Variants in CNTNAP5 observed in about 807,000 individuals in gnomAD.
The protein encoded by CNTNAP5 is contactin-associated protein-like 5.
Under a neutral mutation model 150.2 loss-of-function variants are expected in CNTNAP5, and 72 were observed. The ratio of observed to expected loss-of-function variants is 0.48; its 90% CI spans 0.40 to 0.58. CNTNAP5 has a LOEUF of 0.58. Among genes scored for constraint, CNTNAP5 ranks in the 20% least tolerant of loss-of-function variants. CNTNAP5 has a pLI of 0.00. For synonymous variants in CNTNAP5, 672 were observed against 619.8 expected, an observed-to-expected ratio of 1.08 and a Z score of -1.25; for missense variants, 1,636 against 1,626.2, an observed-to-expected ratio of 1.01 and a Z score of -0.10.
chr2:124,152,861 T>C (rs1282087098), intron 1 of CNTNAP5, among the ~76,000 whole-genome samples: 2 of 152,162 alleles, frequency 1.3e-5, no homozygotes, highest in Admixed American at 6.6e-5. Flanking sequence ...TAGTTTCCTA[T>C]TAAAAGAAAG....
In CNTNAP5 at chr2:124,295,113, AAAC is replaced by A. The variant is rs1486892035; in HGVS notation, c.381+52727_381+52729del. On this transcript the variant is annotated intron_variant, in intron 3 of 23. Transcript: ENST00000682447. ...AGAGCAAGACTTCATCTCAAAAACA[AAAC>A]AACAACCACCACCAAACAAACAAAC... Among the ~76,000 whole-genome samples the A allele has an allele frequency of 1.4e-4, 18 of 126,980 alleles. 1 individual carries two copies. In the East Asian group the frequency reaches 3.3e-3, roughly 24 times the overall value. The allele number at this position is 126,980 out of a possible 152,430, so 83.3% of individuals were successfully genotyped here.
At chr2:124,737,972 A>T (rs1369958635) in intron 13 of CNTNAP5, among the ~76,000 whole-genome samples, 1 of 152,112 alleles carries the variant, frequency 6.6e-6, no homozygotes, top group East Asian at 1.9e-4. Flanking sequence ...TTAATTCTGG[A>T]TGTTTTTATT....
chr2:124,810,620 G>A (rs1376224472), intron 19 of CNTNAP5, among the ~76,000 whole-genome samples: 3 of 152,090 alleles, frequency 2.0e-5, no homozygotes, highest in East Asian at 1.9e-4. Flanking sequence ...CTGTCACAAC[G>A]TGGTTCACCC....
At chr2:124,133,825 A>G (rs972486776) in intron 1 of CNTNAP5, among the ~76,000 whole-genome samples, 1 of 152,214 alleles carries the variant, frequency 6.6e-6, no homozygotes. Flanking sequence ...TCCATGTCCT[A>G]GCACAGCAAA....
At position 124,356,568 on chromosome 2, in the gene CNTNAP5, T is replaced by G. The variant is rs562615412; in HGVS notation, c.382-60875T>G. On this transcript the variant is annotated intron_variant, in intron 3 of 23. Transcript: ENST00000682447. ...TGAGAATATGCGGTGTTTGGTTTTTTGTTCTTGCGATAGTTTACTGAGAAT... is the reference window on the plus strand; with the variant it reads ...TGAGAATATGCGGTGTTTGGTTTTTGGTTCTTGCGATAGTTTACTGAGAAT... Among the ~76,000 whole-genome samples, 41 of 151,688 alleles carry G rather than the reference T, an allele frequency of 2.7e-4. 2 individuals carry two copies. The South Asian group carries it at 6.7e-3, about 25-fold the overall frequency.
At chr2:124,407,711 G>A (rs1691611686) in intron 3 of CNTNAP5, among the ~76,000 whole-genome samples, 1 of 152,174 alleles carries the variant, frequency 6.6e-6, no homozygotes, top group Admixed American at 6.5e-5. Context: ...TAGAGATAAA[G>A]ATCATCTGGG....
At chr2:124,492,966 TCTTG>T (rs1694066087) in intron 7 of CNTNAP5, among the ~76,000 whole-genome samples, 1 of 152,170 alleles carries the variant, frequency 6.6e-6, no homozygotes, top group South Asian at 2.1e-4. Context: ...TTTTACTTTT[TCTTG>T]CTTAACTTCT....
At chr2:124,334,904 T>G (rs886334375) in intron 3 of CNTNAP5, among the ~76,000 whole-genome samples, 1 of 152,136 alleles carries the variant, frequency 6.6e-6, no homozygotes, top group Non-Finnish European at 1.5e-5. Context: ...CGATGGTACA[T>G]TTATTCCAAC....
chr2:124,132,156 G>C (rs771072091), intron 1 of CNTNAP5, among the ~76,000 whole-genome samples: 2 of 152,120 alleles, frequency 1.3e-5, no homozygotes, highest in Non-Finnish European at 2.9e-5. Context: ...GGTTTCATAA[G>C]GGCCCATTTT....
chr2:124,685,047 A>T (rs909930919), intron 13 of CNTNAP5, among the ~76,000 whole-genome samples: 1 of 152,134 alleles, frequency 6.6e-6, no homozygotes, highest in Non-Finnish European at 1.5e-5. Flanking sequence ...TGCCTGCCAT[A>T]GGAATTAAAA....
intron 13 of CNTNAP5, among the ~76,000 whole-genome samples, chr2:124,657,905 C>G (rs1208987427): frequency 1.3e-5 from 2 of 152,228 alleles, no homozygotes; most frequent in East Asian, 3.9e-4. Flanking sequence ...CTGCTTCATC[C>G]TTCCTGAATA....
At chr2:124,507,428 C>T (rs997394876) in intron 8 of CNTNAP5, among the ~76,000 whole-genome samples, 2 of 152,064 alleles carry the variant, frequency 1.3e-5, no homozygotes, top group Non-Finnish European at 2.9e-5. Context: ...CGCTGCACTC[C>T]AGCTTGGGTG....
chr2:124,057,718 T>C (rs1209636002), intron 1 of CNTNAP5, among the ~76,000 whole-genome samples: 1 of 151,480 alleles, frequency 6.6e-6, no homozygotes, highest in Admixed American at 6.6e-5. Flanking sequence ...CCAGAATGAA[T>C]CTTTTAATGG....
chr2:124,820,100 GT>G (rs1171727969), intron 19 of CNTNAP5, among the ~76,000 whole-genome samples: 1 of 152,090 alleles, frequency 6.6e-6, no homozygotes, highest in African/African-American at 2.4e-5. Flanking sequence ...AGTGTGCATT[GT>G]TTTTTCTTTC....
chr2:124,352,346 G>A (rs918593131), intron 3 of CNTNAP5, among the ~76,000 whole-genome samples: 5 of 152,108 alleles, frequency 3.3e-5, no homozygotes, highest in South Asian at 2.1e-4. Flanking sequence ...TCACACTACC[G>A]TTTTATAGGT....
chr2:124,143,637 T>A (rs1272032863), intron 1 of CNTNAP5, among the ~76,000 whole-genome samples: 1 of 96,626 alleles, frequency 1.0e-5, no homozygotes, highest in African/African-American at 4.0e-5. Flanking sequence ...TGATGGGACG[T>A]ATTTCAAAAT....
At chr2:124,744,917 G>A (rs1233518248) in intron 13 of CNTNAP5, among the ~76,000 whole-genome samples, 5 of 152,016 alleles carry the variant, frequency 3.3e-5, no homozygotes, top group African/African-American at 7.3e-5. Flanking sequence ...ATAATCCTCC[G>A]GTTTTCATAT....
At chr2:124,282,510 C>G (rs1399851669) in intron 3 of CNTNAP5, among the ~76,000 whole-genome samples, 1 of 152,130 alleles carries the variant, frequency 6.6e-6, no homozygotes. Flanking sequence ...AATATGCTCA[C>G]AGCACCAAGC....
At chr2:124,778,812 A>G (rs1681381938) in intron 17 of CNTNAP5, among the ~76,000 whole-genome samples, 1 of 152,082 alleles carries the variant, frequency 6.6e-6, no homozygotes, top group South Asian at 2.1e-4. Context: ...CATTCTGCTT[A>G]AAAGGATTGT....
Sources: allele counts gnomAD v4.1 joint callset (sites outside exome capture counted in the v4.1 genomes callset), GRCh38; gene constraint gnomAD v4.1.1; transcripts MANE v1.5; gene names NCBI Gene and HGNC (gene_info 2026-07-23, HGNC 2026-07-21).